DLC1: variants seen among roughly 807,000 people sequenced by gnomAD.
DLC1 encodes DLC1 Rho GTPase activating protein.
DLC1 carries 54 observed loss-of-function variants against 140.3 expected under a neutral mutation model. The ratio of observed to expected loss-of-function variants is 0.38; its 90% CI spans 0.31 to 0.48. The LOEUF (loss-of-function observed/expected upper bound fraction) is 0.48. DLC1 is among the 20% of genes least tolerant of loss of function. DLC1 has a pLI of 0.96. For synonymous variants in DLC1, 986 were observed against 728.1 expected (o/e 1.35, Z -5.70); for missense variants, 2,536 against 1,907.0 (o/e 1.33, Z -6.14).
In DLC1 at chr8:13,582,061, CAA is replaced by C. The variant is rs1052684439; in HGVS notation, c.-126+22474_-126+22475del. On this transcript the variant is annotated intron_variant, in intron 1 of 1. Coordinates refer to the DLC1 transcript ENST00000631382. Reference sequence around the variant, plus strand: ...GCAAGAGAAGGGATTGGAGAAAAAACAAAGTCCACTCTCCCTAGAGAATAATA... The same window carrying C: ...GCAAGAGAAGGGATTGGAGAAAAAACAGTCCACTCTCCCTAGAGAATAATA... Among the ~76,000 whole-genome samples, 59 of 152,186 alleles carry C rather than the reference CAA, an allele frequency of 3.9e-4. 1 individual carries two copies. Among genetic ancestry groups the C allele is most frequent in the African/African-American group, 1.4e-3 (59 of 41,524 alleles).
chr8:13,377,262 G>C (rs1836036400), intron 4 of DLC1, among the ~76,000 whole-genome samples: 1 of 152,182 alleles, frequency 6.6e-6, no homozygotes, highest in African/African-American at 2.4e-5. Flanking sequence ...GAATGAAAAG[G>C]AATGAGTGTA....
chr8:13,455,597 T>C (rs1272817728), intron 2 of DLC1, among the ~76,000 whole-genome samples: 4 of 152,204 alleles, frequency 2.6e-5, no homozygotes, highest in Non-Finnish European at 4.4e-5. Flanking sequence ...TTCAGTCTTT[T>C]CTCCAAAATC....
intron 5 of DLC1, among the ~76,000 whole-genome samples, chr8:13,237,225 A>G (rs200713194): frequency 1.4e-4 from 12 of 87,936 alleles, no homozygotes; most frequent in East Asian, 6.8e-4. Flanking sequence ...GTGTGTGTGT[A>G]TACATATATA....
chr8:13,581,852 T>G (rs1805111495), intron 1 of DLC1, among the ~76,000 whole-genome samples: 1 of 152,168 alleles, frequency 6.6e-6, no homozygotes, highest in African/African-American at 2.4e-5. Context: ...TTTTCGGTTT[T>G]GTTTTCCTAT....
At chr8:13,408,181 T>C (rs76480586) in intron 2 of DLC1, among the ~76,000 whole-genome samples, 4,233 of 152,302 alleles carry the variant, frequency 0.028, 95 homozygotes, top group South Asian at 0.05. Context: ...GTTTGCTAGA[T>C]ATATTCCGTT....
In DLC1 at chr8:13,085,720, A is replaced by C; in HGVS notation, c.*91T>G. ...TCCAGCTTGTAGTTTTCTTTGTTTC[A>C]GGATTAGACACAGAACCCATTCTTC... On this transcript the variant is annotated 3_prime_UTR_variant, in exon 18 of 18. Coordinates refer to ENST00000276297, the MANE Select transcript of DLC1 (RefSeq NM_182643.3). 1 of 1,550,200 alleles carries C rather than the reference A, an allele frequency of 6.5e-7. No homozygotes were observed.
upstream of DLC1, among the ~76,000 whole-genome samples, chr8:13,516,837 A>G (rs1404004712): frequency 6.6e-6 from 1 of 152,148 alleles, no homozygotes; most frequent in Non-Finnish European, 1.5e-5. Flanking sequence ...TTATTTTACA[A>G]ATAAAGTATT....
chr8:13,276,584 C>T (rs986248020), intron 5 of DLC1: 358 of 1,261,538 alleles, frequency 2.8e-4, no homozygotes, highest in Admixed American at 3.5e-4. Flanking sequence ...GCGCGCGCGG[C>T]GGCCACATCT....
Position 13,462,658 on chromosome 8 carries a change from G to T in DLC1, c.1023+36391C>A, listed in dbSNP as rs1444448001. ...CCTGACTTCATGATCTGCCTGCCTC[G>T]GTCTCCCAAAGTGCTGGGATTACAG... On this transcript the variant is annotated intron_variant, in intron 2 of 17. Coordinates refer to ENST00000276297, the MANE Select transcript of DLC1 (RefSeq NM_182643.3). Among the ~76,000 whole-genome samples the T allele has an allele frequency of 9.9e-5, 15 of 151,930 alleles. 1 individual carries two copies. Among genetic ancestry groups the T allele is most frequent in the Admixed American group, 9.8e-4 (15 of 15,252 alleles).
intron 5 of DLC1, among the ~76,000 whole-genome samples, chr8:13,265,210 C>A (rs1411933367): frequency 6.6e-6 from 1 of 152,086 alleles, no homozygotes; most frequent in East Asian, 1.9e-4. Flanking sequence ...TTTATTAATT[C>A]ACTGAAATAT....
chr8:13,540,195 T>C (rs544527346), intron 1 of DLC1, among the ~76,000 whole-genome samples: 9 of 152,086 alleles, frequency 5.9e-5, no homozygotes, highest in Non-Finnish European at 1.2e-4. Flanking sequence ...GTATCAGAAA[T>C]AAGTCAATAA....
intron 5 of DLC1, among the ~76,000 whole-genome samples, chr8:13,242,558 T>C (rs1829586046): frequency 3.9e-5 from 6 of 152,080 alleles, no homozygotes; most frequent in Admixed American, 3.9e-4. Context: ...ACTACATCTG[T>C]ACTTTTTTAA....
chr8:13,158,881 C>A (rs951332348), intron 5 of DLC1, among the ~76,000 whole-genome samples: 1 of 152,074 alleles, frequency 6.6e-6, no homozygotes, highest in Non-Finnish European at 1.5e-5. Context: ...TCCCCTGGTA[C>A]ACCCAACAGA....
intron 5 of DLC1, among the ~76,000 whole-genome samples, chr8:13,183,221 A>T (rs981615382): frequency 1.3e-5 from 2 of 152,186 alleles, no homozygotes; most frequent in Admixed American, 1.3e-4. Flanking sequence ...TGGGGCTGAG[A>T]TGATGGGGTT....
chr8:13,405,327 A>G (rs932574369), intron 2 of DLC1, among the ~76,000 whole-genome samples: 2 of 151,530 alleles, frequency 1.3e-5, no homozygotes, highest in Non-Finnish European at 2.9e-5. Flanking sequence ...CTCAGTGACT[A>G]TTGTTCCCAT....
rs569147901 is a variant in DLC1 at position 13,413,968 on chromosome 8, T to C, written c.1024-12349A>G. On this transcript the variant is annotated intron_variant, in intron 2 of 17. Coordinates refer to ENST00000276297, the MANE Select transcript of DLC1 (RefSeq NM_182643.3). Reference sequence around the variant, plus strand: ...GCAAAGAAACCTACATGTTACAGTTTGAAATTACTCCAACAAGTACATGAT... The same window carrying C: ...GCAAAGAAACCTACATGTTACAGTTCGAAATTACTCCAACAAGTACATGAT... Among the ~76,000 whole-genome samples the C allele has an allele frequency of 3.3e-5, 5 of 152,220 alleles. No homozygotes were observed. In the South Asian group the frequency reaches 1.0e-3, roughly 32 times the overall value.
In DLC1 at chr8:13,436,876, C is replaced by T. The variant is rs926503370; in HGVS notation, c.1024-35257G>A. 2.0e-5 allele frequency among the ~76,000 whole-genome samples: 3 copies of T among 152,068 alleles called. No individual in the cohort carries two copies. The East Asian group carries it at 5.8e-4, about 29-fold the overall frequency. Reference sequence around the variant, plus strand: ...TCAGGTCTTAAATATGATGCCCTGTCTAATTTGTAGCAATGGAATTTTTCT... The same window carrying T: ...TCAGGTCTTAAATATGATGCCCTGTTTAATTTGTAGCAATGGAATTTTTCT... On this transcript the variant is annotated intron_variant, in intron 2 of 17. Transcript: ENST00000276297.
At chr8:13,205,571 CA>C (rs1426666780) in intron 5 of DLC1, among the ~76,000 whole-genome samples, 1 of 151,770 alleles carries the variant, frequency 6.6e-6, no homozygotes, top group Non-Finnish European at 1.5e-5. Context: ...TGTCTTGGGC[CA>C]GACATAAAAT....
chr8:13,560,689 A>G (rs1346712319), intron 1 of DLC1, among the ~76,000 whole-genome samples: 4 of 152,134 alleles, frequency 2.6e-5, no homozygotes, highest in Non-Finnish European at 5.9e-5. Flanking sequence ...TTATTTGGAG[A>G]TGGAGTCTTT....
Sources: allele counts gnomAD v4.1 joint callset (sites outside exome capture counted in the v4.1 genomes callset), GRCh38; gene constraint gnomAD v4.1.1; transcripts MANE v1.5; gene names NCBI Gene and HGNC (gene_info 2026-07-23, HGNC 2026-07-21).